The following SMCO4 variants were observed in gnomAD, a reference collection of about 807,000 sequenced individuals.
SMCO4 encodes the protein single-pass membrane and coiled-coil domain-containing protein 4.
SMCO4 carries 4 observed loss-of-function variants against 3.6 expected under a neutral mutation model. The ratio of observed to expected loss-of-function variants is 1.11; its 90% CI spans 0.54 to 2.53. The LOEUF (loss-of-function observed/expected upper bound fraction) is 2.53, where lower values mean the gene tolerates loss of function less well. Ranked by LOEUF, SMCO4 falls within the 30% of genes most tolerant of loss-of-function variation. The pLI is 0.02. For synonymous variants in SMCO4, 36 were observed against 35.3 expected (o/e 1.02, Z -0.07); for missense variants, 70 against 80.8 (o/e 0.87, Z 0.51).
intron 2 of SMCO4, among the ~76,000 whole-genome samples, chr11:93,485,819 T>C (rs1591303095): frequency 1.3e-5 from 2 of 152,354 alleles, no homozygotes; most frequent in African/African-American, 4.8e-5. Context: ...CATTTATAAA[T>C]ACTTATTTCA....
At chr11:93,527,778 C>T (rs10831054) in intron 1 of SMCO4, among the ~76,000 whole-genome samples, 6,529 of 152,104 alleles carry the variant, frequency 0.043, 375 homozygotes, top group East Asian at 0.21. Context: ...GCAATTTTTA[C>T]GTATATTTCA....
In SMCO4 at chr11:93,514,419, T is replaced by TATAA. The variant is rs1555077575; in HGVS notation, c.-153-15075_-153-15072dup. Reference sequence around the variant, plus strand: ...ATATATATATATATATATATATATATATAAAATTTGGTCTCTTCCAAAGAT... The same window carrying TATAA: ...ATATATATATATATATATATATATATATAAATAAAATTTGGTCTCTTCCAAAGAT... On this transcript the variant is annotated intron_variant, in intron 1 of 2. Coordinates refer to ENST00000298966, the MANE Select transcript of SMCO4 (RefSeq NM_020179.3). 1.2e-3 allele frequency among the ~76,000 whole-genome samples: 49 copies of TATAA among 42,554 alleles called. 2 individuals are homozygous for TATAA. The highest frequency in any genetic ancestry group is 3.1e-3 in the African/African-American group (42 of 13,610). The allele number at this position is 42,554 out of a possible 152,430, so 27.9% of individuals were successfully genotyped here. A position where few individuals can be genotyped will look rare whatever the true frequency, so the allele number is the denominator to read the frequency against.
At chr11:93,517,153 A>G (rs2134617395) in intron 1 of SMCO4, among the ~76,000 whole-genome samples, 1 of 152,270 alleles carries the variant, frequency 6.6e-6, no homozygotes. Flanking sequence ...CAAATGCCAG[A>G]GGGCTAACAA....
intron 1 of SMCO4, among the ~76,000 whole-genome samples, chr11:93,537,216 G>T (rs1372700712): frequency 1.2e-4 from 19 of 152,212 alleles, no homozygotes. Flanking sequence ...AAACGGCCTG[G>T]CCAAACTCCA....
At chr11:93,494,645 G>C (rs953034168) in intron 2 of SMCO4, among the ~76,000 whole-genome samples, 2 of 152,148 alleles carry the variant, frequency 1.3e-5, no homozygotes, top group African/African-American at 4.8e-5. Context: ...CAGTCACTTA[G>C]CAACATCCAG....
chr11:93,491,567 A>T (rs1948717802), intron 2 of SMCO4, among the ~76,000 whole-genome samples: 1 of 152,236 alleles, frequency 6.6e-6, no homozygotes, highest in African/African-American at 2.4e-5. Flanking sequence ...GCTCAGGACC[A>T]CTAGGCAAGT....
chr11:93,523,867 G>C lies in SMCO4; in HGVS notation c.-154+19409C>G, dbSNP rs1160357286. ...TGTGTGGTTAACATGGACTTCCTTA[G>C]TTTTGGTTTCCAGTAAATGAAGCAT... On this transcript the variant is annotated intron_variant, in intron 1 of 2. Coordinates refer to ENST00000298966, the MANE Select transcript of SMCO4 (RefSeq NM_020179.3). Among the ~76,000 whole-genome samples, 4 of 152,164 alleles carry C rather than the reference G, an allele frequency of 2.6e-5. No individual in the cohort carries two copies. In the East Asian group the frequency reaches 7.7e-4, roughly 29 times the overall value.
At chr11:93,491,601 T>G (rs964668057) in intron 2 of SMCO4, among the ~76,000 whole-genome samples, 1 of 152,368 alleles carries the variant, frequency 6.6e-6, no homozygotes, top group East Asian at 1.9e-4. Flanking sequence ...CAGTCAAACC[T>G]AGGCAGTCTG....
intron 1 of SMCO4, among the ~76,000 whole-genome samples, chr11:93,541,446 G>A (rs1949270210): frequency 6.6e-6 from 1 of 152,166 alleles, no homozygotes; most frequent in African/African-American, 2.4e-5. Context: ...AAGCATAGTT[G>A]TACAAGGACC....
the SMCO4 span, among the ~76,000 whole-genome samples, chr11:93,552,019 A>AG: frequency 1.3e-5 from 2 of 151,982 alleles, no homozygotes; most frequent in East Asian, 3.9e-4. Flanking sequence ...TTACTTTTTG[A>AG]GGGGTGAAAA....
intron 1 of SMCO4, among the ~76,000 whole-genome samples, chr11:93,534,121 G>A (rs1949189280): frequency 1.3e-5 from 2 of 150,644 alleles, no homozygotes; most frequent in South Asian, 4.2e-4. Flanking sequence ...AACCTGGGAG[G>A]CAGAGGTTGA....
At chr11:93,516,006 C>T (rs1357372058) in intron 1 of SMCO4, among the ~76,000 whole-genome samples, 1 of 152,166 alleles carries the variant, frequency 6.6e-6, no homozygotes, top group African/African-American at 2.4e-5. Flanking sequence ...ACACAGGAGG[C>T]TGCTTCACAT....
At chr11:93,538,905 C>T (rs548481900) in intron 1 of SMCO4, among the ~76,000 whole-genome samples, 15 of 152,278 alleles carry the variant, frequency 9.9e-5, no homozygotes, top group South Asian at 6.2e-4. Flanking sequence ...AGACAGCCAC[C>T]GAGCTACCTT....
rs558782185 is a variant in SMCO4 at position 93,528,638 on chromosome 11, G to T, written c.-154+14638C>A. On this transcript the variant is annotated intron_variant, in intron 1 of 2. Coordinates refer to ENST00000298966, the MANE Select transcript of SMCO4 (RefSeq NM_020179.3). Reference sequence around the variant, plus strand: ...TTCCAGGAGCTCGCACTGTGACCAGGGAGACAGTGCAAGGGGCTGCCCAGA... The same window carrying T: ...TTCCAGGAGCTCGCACTGTGACCAGTGAGACAGTGCAAGGGGCTGCCCAGA... 3.2e-4 allele frequency among the ~76,000 whole-genome samples: 18 copies of T among 56,200 alleles called. No individual in the cohort carries two copies. In the East Asian group the frequency reaches 0.012, roughly 37 times the overall value. 36.9% of individuals were successfully genotyped at this position (56,200 alleles called of 152,430 possible). A position where few individuals can be genotyped will look rare whatever the true frequency, so the allele number is the denominator to read the frequency against.
chr11:93,488,606 T>C (rs1948677682), intron 2 of SMCO4, among the ~76,000 whole-genome samples: 1 of 151,920 alleles, frequency 6.6e-6, no homozygotes, highest in African/African-American at 2.4e-5. Context: ...AAGAATGGTG[T>C]TGCCATTGAG....
At chr11:93,531,339 G>A (rs983854805) in intron 1 of SMCO4, among the ~76,000 whole-genome samples, 7 of 152,166 alleles carry the variant, frequency 4.6e-5, no homozygotes, top group South Asian at 4.1e-4. Flanking sequence ...TTTTGGACTA[G>A]AACTTACACC....
At chr11:93,482,879 T>A (rs889668806) in intron 2 of SMCO4, among the ~76,000 whole-genome samples, 1 of 152,154 alleles carries the variant, frequency 6.6e-6, no homozygotes, top group Non-Finnish European at 1.5e-5. Context: ...GTGGGAAGAA[T>A]GTGTGTGGCC....
chr11:93,492,120 A>G (rs188725384), intron 2 of SMCO4, among the ~76,000 whole-genome samples: 60 of 152,352 alleles, frequency 3.9e-4, no homozygotes, highest in Admixed American at 9.8e-4. Flanking sequence ...CCTTCCCCCA[A>G]TAAAGAAGCT....
rs538876536 is a variant in SMCO4 at position 93,490,980 on chromosome 11, G to T, written c.-81+8296C>A. ...TCTTCGCTACCTTGATGAATAAGTG[G>T]TTATAAGAATGAAATGCAAGCAATG... On this transcript the variant is annotated intron_variant, in intron 2 of 2. Transcript: ENST00000298966. Among the ~76,000 whole-genome samples, 26 of 152,310 alleles carry T rather than the reference G, an allele frequency of 1.7e-4. 1 individual carries two copies. Among genetic ancestry groups the T allele is most frequent in the Middle Eastern group, 3.4e-3 (1 of 294 alleles).
Sources: gnomAD v4.1 joint callset for allele counts (sites outside exome capture counted in the v4.1 genomes callset) on GRCh38, gnomAD v4.1.1 for gene constraint, MANE v1.5 for transcripts, NCBI Gene and HGNC (gene_info 2026-07-23, HGNC 2026-07-21) for gene names.